CDYL: variants seen among roughly 807,000 people sequenced by gnomAD.
The protein encoded by CDYL is chromodomain Y like.
A neutral mutation model predicts 47.3 loss-of-function variants in CDYL; 8 were observed. The ratio of observed to expected loss-of-function variants is 0.17; its 90% CI spans 0.10 to 0.31. CDYL has a LOEUF of 0.31. CDYL is among the 10% of genes least tolerant of loss of function. CDYL has a pLI of 1.00. For missense variants in CDYL, 471 were observed against 701.4 expected (o/e 0.67, Z 3.71); for synonymous variants, 266 against 265.0 (o/e 1.00, Z -0.04).
At chr6:4,811,186 A>G (rs991319656) in intron 1 of CDYL, among the ~76,000 whole-genome samples, 2 of 152,250 alleles carry the variant, frequency 1.3e-5, no homozygotes, top group South Asian at 2.1e-4. Context: ...CTCTGGAAGC[A>G]TTAATTAGCA....
At chr6:4,836,295 C>T in intron 1 of CDYL, 2 of 982,524 alleles carry the variant, frequency 2.0e-6, no homozygotes, top group Non-Finnish European at 2.4e-6. Context: ...AAAAAAGTTG[C>T]ATAGAACCAA....
At chr6:4,934,624 A>G (rs1539002) in intron 2 of CDYL, among the ~76,000 whole-genome samples, 105,679 of 152,022 alleles carry the variant, frequency 0.7, 37,159 homozygotes, top group Middle Eastern at 0.87. Context: ...TCATCACCAC[A>G]TTGGATCATA....
intron 2 of CDYL, among the ~76,000 whole-genome samples, chr6:4,733,744 G>A (rs1217695433): frequency 1.3e-5 from 2 of 152,078 alleles, no homozygotes; most frequent in African/African-American, 4.8e-5. Context: ...CTAAGGCCAG[G>A]CTTGCAGTCC....
intron 1 of CDYL, among the ~76,000 whole-genome samples, chr6:4,815,022 T>G (rs1759630872): frequency 6.6e-6 from 1 of 152,220 alleles, no homozygotes; most frequent in African/African-American, 2.4e-5. Flanking sequence ...TTTCCTGGTT[T>G]GTGACCCTTA....
At chr6:4,808,363 A>G (rs957989497) in intron 1 of CDYL, among the ~76,000 whole-genome samples, 3 of 152,216 alleles carry the variant, frequency 2.0e-5, no homozygotes, top group African/African-American at 7.2e-5. Context: ...CATAGCATTC[A>G]TTCTAACCTT....
At chr6:4,831,605 A>G (rs1760146452) in intron 1 of CDYL, among the ~76,000 whole-genome samples, 1 of 152,086 alleles carries the variant, frequency 6.6e-6, no homozygotes, top group East Asian at 1.9e-4. Context: ...GTTTTTTCCA[A>G]TTCTGTGAAG....
At chr6:4,853,214 T>C (rs1760903711) in intron 1 of CDYL, among the ~76,000 whole-genome samples, 1 of 152,216 alleles carries the variant, frequency 6.6e-6, no homozygotes, top group African/African-American at 2.4e-5. Flanking sequence ...CCGTAGCCAT[T>C]ACTGAGCATG....
chr6:4,813,274 G>A (rs1379651906), intron 1 of CDYL, among the ~76,000 whole-genome samples: 4 of 152,196 alleles, frequency 2.6e-5, no homozygotes, highest in African/African-American at 9.7e-5. Flanking sequence ...TTCGCCTACT[G>A]GAGTGCTTCT....
At chr6:4,831,982 T>C (rs1406443066) in intron 1 of CDYL, among the ~76,000 whole-genome samples, 3 of 151,778 alleles carry the variant, frequency 2.0e-5, no homozygotes, top group South Asian at 4.2e-4. Context: ...TGGGCTGAGA[T>C]GATGGGGTTT....
At chr6:4,797,280 A>G (rs1409666596) in intron 1 of CDYL, among the ~76,000 whole-genome samples, 1 of 152,202 alleles carries the variant, frequency 6.6e-6, no homozygotes, top group African/African-American at 2.4e-5. Context: ...TTAACTTTAG[A>G]AAACACATCA....
At chr6:4,727,322 G>C (rs1381630013) in intron 2 of CDYL, among the ~76,000 whole-genome samples, 1 of 152,124 alleles carries the variant, frequency 6.6e-6, no homozygotes, top group African/African-American at 2.4e-5. Flanking sequence ...AAGAAGGGTA[G>C]GAAGCTCATG....
intron 1 of CDYL, among the ~76,000 whole-genome samples, chr6:4,812,966 T>C (rs940365411): frequency 1.4e-4 from 22 of 152,234 alleles, no homozygotes; most frequent in Admixed American, 2.0e-4. Context: ...TTAGGTTGTT[T>C]TTCTAGCTAT....
intron 1 of CDYL, among the ~76,000 whole-genome samples, chr6:4,860,840 C>T (rs1561674825): frequency 6.6e-6 from 1 of 151,946 alleles, no homozygotes; most frequent in Non-Finnish European, 1.5e-5. Context: ...AGGCCTGTCT[C>T]TCCTTTTCAC....
At chr6:4,851,306 T>A (rs1224398232) in intron 1 of CDYL, among the ~76,000 whole-genome samples, 1 of 152,204 alleles carries the variant, frequency 6.6e-6, no homozygotes, top group Non-Finnish European at 1.5e-5. Context: ...ACCTAGTGCC[T>A]GGCATGTAGA....
intron 2 of CDYL, among the ~76,000 whole-genome samples, chr6:4,930,841 G>A (rs149138309): frequency 5.6e-4 from 86 of 152,318 alleles, no homozygotes; most frequent in African/African-American, 2.0e-3. Context: ...GAAAGCCTTG[G>A]TACTCTGAAT....
rs1761178642 is a variant in CDYL, at chr6:4,861,839, C to T, written c.25-29874C>T. On this transcript the variant is annotated intron_variant, in intron 1 of 6. Transcript: ENST00000397588. ...GTCCTTAGGCAGTTTGACTTCTCCA[C>T]TCAGCAAGCCTTTAAAGCACCTGGG... Among the ~76,000 whole-genome samples, 4 of 152,186 alleles carry T rather than the reference C, an allele frequency of 2.6e-5. No homozygotes were observed. In the South Asian group the frequency reaches 8.3e-4, roughly 31 times the overall value.
At chr6:4,900,817 A>ATATATATATATATG (rs1757022027) in intron 2 of CDYL, among the ~76,000 whole-genome samples, 1 of 84,752 alleles carries the variant, frequency 1.2e-5, no homozygotes, top group African/African-American at 4.1e-5. Context: ...ATATATATAT[A>ATATATATATATATG]TATATATATA....
intron 2 of CDYL, among the ~76,000 whole-genome samples, chr6:4,902,249 A>T (rs1379685958): frequency 5.9e-5 from 9 of 151,618 alleles, no homozygotes; most frequent in African/African-American, 2.2e-4. Flanking sequence ...AAAAAAAAAA[A>T]TACAAAATTA....
chr6:4,845,495 G>A (rs1581207637), intron 1 of CDYL, among the ~76,000 whole-genome samples: 1 of 152,330 alleles, frequency 6.6e-6, no homozygotes, highest in Non-Finnish European at 1.5e-5. Context: ...ATAACAAATA[G>A]TGTTCCTCAT....
Sources: gnomAD v4.1 joint callset for allele counts (sites outside exome capture counted in the v4.1 genomes callset) on GRCh38, gnomAD v4.1.1 for gene constraint, MANE v1.5 for transcripts, NCBI Gene and HGNC (gene_info 2026-07-23, HGNC 2026-07-21) for gene names.